The following TANC2 variants were observed in gnomAD, a reference collection of about 807,000 sequenced individuals.
The protein encoded by TANC2 is tetratricopeptide repeat, ankyrin repeat and coiled-coil containing 2, also known as protein TANC2.
In TANC2, 26 loss-of-function variants were observed where a neutral mutation model predicts 210.5. The observed-to-expected ratio is 0.12, with a 90% CI of 0.09 to 0.17. The LOEUF is 0.17. Among genes scored for constraint, TANC2 ranks in the 10% least tolerant of loss-of-function variants. The pLI, the probability that TANC2 is intolerant of heterozygous loss-of-function variation, is 1.00. For synonymous variants in TANC2, 931 were observed against 967.1 expected (o/e 0.96, Z 0.69); for missense variants, 2,129 against 2,608.9 (o/e 0.82, Z 4.01).
At chr17:63,093,252 T>G (rs2037270143) in intron 3 of TANC2, among the ~76,000 whole-genome samples, 1 of 151,982 alleles carries the variant, frequency 6.6e-6, no homozygotes, top group Non-Finnish European at 1.5e-5. Context: ...GTTTTTTTTT[T>G]TAACATTTTC....
intron 9 of TANC2, among the ~76,000 whole-genome samples, chr17:63,285,938 A>G (rs2044207784): frequency 6.6e-6 from 1 of 152,128 alleles, no homozygotes; most frequent in African/African-American, 2.4e-5. Flanking sequence ...CTGAAATCCA[A>G]GTTCCCAGAC....
At chr17:63,033,763 G>T (rs2034865316) in intron 2 of TANC2, among the ~76,000 whole-genome samples, 1 of 152,128 alleles carries the variant, frequency 6.6e-6, no homozygotes, top group Admixed American at 6.6e-5. Flanking sequence ...TTGAGGTGAT[G>T]ATGGGTTATC....
At chr17:63,284,645 C>G (rs1433861931) in intron 9 of TANC2, among the ~76,000 whole-genome samples, 3 of 151,890 alleles carry the variant, frequency 2.0e-5, no homozygotes, top group Admixed American at 6.6e-5. Context: ...TAAATTTATA[C>G]AGAATTTTTT....
rs931099088 is a variant in TANC2 at position 63,210,502 on chromosome 17, T to C, written c.769+9545T>C. ...CTTATAGTTATATATTTATTTTCTT[T>C]ATGTAAGCTTCTTAATGTCAAGATT... On this transcript the variant is annotated intron_variant, in intron 7 of 27. Coordinates refer to ENST00000689528, the Ensembl canonical transcript of TANC2. Among the ~76,000 whole-genome samples the C allele has an allele frequency of 2.2e-4, 33 of 152,234 alleles. 1 individual carries two copies. Among genetic ancestry groups the C allele is most frequent in the Non-Finnish European group, 1.2e-4 (8 of 68,040 alleles).
At chr17:63,169,103 A>G (rs186338884) in intron 5 of TANC2, among the ~76,000 whole-genome samples, 1 of 151,876 alleles carries the variant, frequency 6.6e-6, no homozygotes, top group African/African-American at 2.4e-5. Flanking sequence ...TCATCAAATG[A>G]CTCCTGTTCC....
chr17:63,092,411 G>A (rs1036906001), intron 3 of TANC2, among the ~76,000 whole-genome samples: 1 of 151,714 alleles, frequency 6.6e-6, no homozygotes, highest in African/African-American at 2.4e-5. Flanking sequence ...CATTTTACTA[G>A]GTGTGTAGTA....
At chr17:63,015,322 T>A (rs1244015295) in intron 2 of TANC2, among the ~76,000 whole-genome samples, 1 of 152,074 alleles carries the variant, frequency 6.6e-6, no homozygotes, top group East Asian at 1.9e-4. Flanking sequence ...GATATTTATT[T>A]ATTTATTTTT....
intron 1 of TANC2, among the ~76,000 whole-genome samples, chr17:63,005,795 C>A (rs1387885659): frequency 1.3e-5 from 2 of 151,060 alleles, no homozygotes; most frequent in African/African-American, 4.9e-5. Context: ...GGAAGTATTT[C>A]CTTTTTCTTT....
At chr17:63,084,263 G>T (rs2036879416) in intron 3 of TANC2, among the ~76,000 whole-genome samples, 1 of 151,994 alleles carries the variant, frequency 6.6e-6, no homozygotes, top group African/African-American at 2.4e-5. Flanking sequence ...TCAAATTGTG[G>T]GTGTAGAATT....
intron 2 of TANC2, among the ~76,000 whole-genome samples, chr17:63,024,480 C>T (rs974755043): frequency 2.6e-5 from 4 of 152,084 alleles, no homozygotes; most frequent in East Asian, 1.9e-4. Flanking sequence ...GGGTTTGGGC[C>T]GGCATCTTTA....
At chr17:63,049,530 A>T (rs1422816286) in intron 2 of TANC2, among the ~76,000 whole-genome samples, 2 of 152,134 alleles carry the variant, frequency 1.3e-5, no homozygotes, top group Non-Finnish European at 2.9e-5. Flanking sequence ...TAGAGTGTTT[A>T]AAGTACAATG....
At chr17:63,388,869 C>T in intron 16 of TANC2, 112 bp downstream of exon 16, 1 of 736,962 alleles carries the variant, frequency 1.4e-6, no homozygotes, top group Non-Finnish European at 2.0e-6. Context: ...TTCTTATTAG[C>T]CTTTTATTGA....
rs1345026269 is a variant in TANC2, at chr17:63,421,933, C to T, written c.6203C>T (p.Pro2068Leu). ...ACATCCCCTATCAAACCAAAGAGAC[C>T]GTTCGTGGAGTCTAATGTTTAAAAG... The change falls in exon 28 of 28, where the codon CCG becomes CTG. Residue 2068 changes from proline to leucine, a missense_variant. Pro to Leu is a moderately conservative substitution (Grantham distance 98, BLOSUM62 -3). Coordinates refer to ENST00000689528, the Ensembl canonical transcript of TANC2. This position sits in a 1 kb window ranked among gnomAD's most constrained non-coding sequence, Gnocchi z 6.9. The T allele has an allele frequency of 1.2e-6, 2 of 1,611,190 alleles. No individual in the cohort carries two copies. The highest frequency in any genetic ancestry group is 1.1e-5 in the South Asian group (1 of 90,662).
In TANC2 at chr17:63,045,363, C is replaced by G. The variant is rs143058293; in HGVS notation, c.68-28580C>G. 3.3e-5 allele frequency among the ~76,000 whole-genome samples: 5 copies of G among 152,222 alleles called. No individual in the cohort carries two copies. In the East Asian group the frequency reaches 9.7e-4, roughly 29 times the overall value. ...AGTCTGTACACTGTCTTAAAACGTT[C>G]CCTTTGGTTTTAGGACGGAAACTCC... On this transcript the variant is annotated intron_variant, in intron 2 of 27. Coordinates refer to ENST00000689528, the Ensembl canonical transcript of TANC2.
intron 11 of TANC2, among the ~76,000 whole-genome samples, chr17:63,328,078 TGATACAG>T (rs2045708731): frequency 6.6e-6 from 1 of 152,188 alleles, no homozygotes; most frequent in African/African-American, 2.4e-5. Context: ...CTTAGCAAAT[TGATACAG>T]GAACAGAATA....
intron 5 of TANC2, among the ~76,000 whole-genome samples, chr17:63,170,836 C>T (rs936182484): frequency 1.3e-5 from 2 of 152,136 alleles, no homozygotes; most frequent in African/African-American, 4.8e-5. Context: ...AGCAAACTGT[C>T]TTATTTGGAC....
chr17:63,207,946 G>C (rs780596444), intron 7 of TANC2, among the ~76,000 whole-genome samples: 3 of 152,114 alleles, frequency 2.0e-5, no homozygotes, highest in Non-Finnish European at 4.4e-5. Context: ...ATCTAATTGT[G>C]ATATTAATTT....
At chr17:63,245,095 T>C (rs778554240) in intron 8 of TANC2, among the ~76,000 whole-genome samples, 2 of 152,232 alleles carry the variant, frequency 1.3e-5, no homozygotes, top group African/African-American at 2.4e-5. Flanking sequence ...GTGATTTTAC[T>C]ATTCTTCCAC....
chr17:63,169,659 C>A (rs1483278434), intron 5 of TANC2, among the ~76,000 whole-genome samples: 1 of 151,910 alleles, frequency 6.6e-6, no homozygotes, highest in Admixed American at 6.6e-5. Context: ...ACTAAAAATA[C>A]AAAAATTAGT....
Sources: gnomAD v4.1 joint callset for allele counts (sites outside exome capture counted in the v4.1 genomes callset) on GRCh38, gnomAD v4.1.1 for gene constraint, Gnocchi (gnomAD v3.1) non-coding constraint, MANE v1.5 for transcripts, NCBI Gene and HGNC (gene_info 2026-07-23, HGNC 2026-07-21) for gene names.